Variants in NDUFAF2 observed in about 807,000 individuals in gnomAD.
NDUFAF2 encodes NADH dehydrogenase [ubiquinone] 1 alpha subcomplex assembly factor 2.
Under a neutral mutation model 22.8 loss-of-function variants are expected in NDUFAF2, and 13 were observed. The ratio of observed to expected loss-of-function variants is 0.57; its 90% CI spans 0.37 to 0.91. The LOEUF is 0.91. Ranked by LOEUF, NDUFAF2 falls within the 40% of genes least tolerant of loss-of-function variation. The probability of loss-of-function intolerance (pLI) is 0.01; values close to 1 mark genes in which losing one functional copy is unlikely to be tolerated. For missense variants in NDUFAF2, 162 were observed against 195.2 expected, an observed-to-expected ratio of 0.83 and a Z score of 1.01; for synonymous variants, 53 against 64.2, an observed-to-expected ratio of 0.83 and a Z score of 0.84.
At chr5:60,981,983 T>G (rs1750984706) in intron 1 of NDUFAF2, among the ~76,000 whole-genome samples, 1 of 152,114 alleles carries the variant, frequency 6.6e-6, no homozygotes, top group Non-Finnish European at 1.5e-5. Flanking sequence ...ATATAAGAAT[T>G]CAGACTGTAA....
chr5:60,948,761 TC>T (rs1382466558), intron 1 of NDUFAF2, among the ~76,000 whole-genome samples: 1 of 152,208 alleles, frequency 6.6e-6, no homozygotes, highest in Non-Finnish European at 1.5e-5. Context: ...TTATGAACAT[TC>T]ATGTGTAAGT....
At chr5:61,126,215 A>AAAGGG (rs1753034523) in intron 3 of NDUFAF2, among the ~76,000 whole-genome samples, 1 of 152,028 alleles carries the variant, frequency 6.6e-6, no homozygotes, top group South Asian at 2.1e-4. Context: ...GTAGTAATAA[A>AAAGGG]ATTAAATGTT....
At chr5:60,960,617 A>G (rs1487300086) in intron 1 of NDUFAF2, among the ~76,000 whole-genome samples, 2 of 152,180 alleles carry the variant, frequency 1.3e-5, no homozygotes, top group Admixed American at 6.5e-5. Flanking sequence ...AGATTTTTCA[A>G]TTGAATTGGG....
intron 3 of NDUFAF2, among the ~76,000 whole-genome samples, chr5:61,127,616 A>G (rs911292852): frequency 1.3e-5 from 2 of 152,306 alleles, no homozygotes; most frequent in South Asian, 4.1e-4. Context: ...ATACCTCTCA[A>G]TACATTAGGT....
At chr5:61,017,867 A>C (rs1347924030) in intron 1 of NDUFAF2, among the ~76,000 whole-genome samples, 1 of 152,068 alleles carries the variant, frequency 6.6e-6, no homozygotes, top group Non-Finnish European at 1.5e-5. Context: ...CTTGTGCCTC[A>C]GCCTCCCGAG....
At chr5:61,118,370 A>G (rs1752938085) in intron 3 of NDUFAF2, among the ~76,000 whole-genome samples, 2 of 152,190 alleles carry the variant, frequency 1.3e-5, no homozygotes, top group South Asian at 4.1e-4. Flanking sequence ...TCCGTGCCTT[A>G]TATTATAGTT....
Position 60,986,684 on chromosome 5 carries a change from G to A in NDUFAF2, c.127+41302G>A, listed in dbSNP as rs182214957. ...GGTGGCTCATGCCTATAATCCCAGC[G>A]CTTTGGGAGGCTGAGGTGGGCAGAT... is the stretch of plus-strand genomic sequence containing the variant. On this transcript the variant is annotated intron_variant, in intron 1 of 3. Transcript: ENST00000296597. Among the ~76,000 whole-genome samples, 93 of 151,942 alleles carry A rather than the reference G, an allele frequency of 6.1e-4. 1 individual carries two copies. The highest frequency in any genetic ancestry group is 4.8e-3 in the East Asian group (25 of 5,158).
At chr5:61,063,992 A>G (rs1465172475) in intron 1 of NDUFAF2, among the ~76,000 whole-genome samples, 1 of 152,176 alleles carries the variant, frequency 6.6e-6, no homozygotes, top group Non-Finnish European at 1.5e-5. Flanking sequence ...TATGTTGCCT[A>G]CAGGAGACCT....
chr5:61,111,169 GAGAAGATACTCGAGATAATTTC>G (rs1388913658), intron 3 of NDUFAF2, among the ~76,000 whole-genome samples: 4 of 152,192 alleles, frequency 2.6e-5, no homozygotes, highest in Non-Finnish European at 5.9e-5. Flanking sequence ...ATTGTGGTCA[GAGAAGATACTCGAGATAATTTC>G]AACTGTTTTG....
intron 1 of NDUFAF2, among the ~76,000 whole-genome samples, chr5:61,011,095 G>C (rs941787125): frequency 5.9e-5 from 9 of 152,126 alleles, no homozygotes; most frequent in African/African-American, 2.2e-4. Context: ...CTTTATGTGA[G>C]AGAAAAATAA....
At position 61,108,899 on chromosome 5, in the gene NDUFAF2, C is replaced by T. The variant is rs528971706; in HGVS notation, c.258+9867C>T. On this transcript the variant is annotated intron_variant, in intron 3 of 3. Coordinates refer to ENST00000296597, the MANE Select transcript of NDUFAF2 (RefSeq NM_174889.5). ...AATTTATGCCAGGTATTGTGATTCC[C>T]CCAGTTTTGTTCTTTGTGCTCAGGA... Among the ~76,000 whole-genome samples the T allele has an allele frequency of 2.0e-3, 308 of 152,102 alleles. 2 individuals carry two copies. Among genetic ancestry groups the T allele is most frequent in the African/African-American group, 7.2e-3 (297 of 41,510 alleles).
chr5:61,087,466 A>T (rs985832187), intron 2 of NDUFAF2, among the ~76,000 whole-genome samples: 17 of 152,190 alleles, frequency 1.1e-4, no homozygotes, highest in African/African-American at 4.1e-4. Flanking sequence ...AACTAGACTG[A>T]CTAATATTTT....
intron 2 of NDUFAF2, among the ~76,000 whole-genome samples, chr5:61,076,182 C>CGCCTCA: frequency 6.6e-6 from 1 of 152,096 alleles, no homozygotes. Flanking sequence ...GCCATTCTCC[C>CGCCTCA]GCCTCAGCCT....
chr5:60,962,792 C>T lies in NDUFAF2; in HGVS notation c.127+17410C>T, dbSNP rs184596554. Reference sequence around the variant, plus strand: ...AGGTTGCAGTGAGCCAAGATCACACCGCTGCACTCCAGCCAAGTGACAGAG... The same window carrying T: ...AGGTTGCAGTGAGCCAAGATCACACTGCTGCACTCCAGCCAAGTGACAGAG... On this transcript the variant is annotated intron_variant, in intron 1 of 3. Transcript: ENST00000296597. Among the ~76,000 whole-genome samples the T allele has an allele frequency of 2.5e-3, 372 of 150,876 alleles. 1 individual carries two copies. Among genetic ancestry groups the T allele is most frequent in the African/African-American group, 8.6e-3 (354 of 41,036 alleles).
intron 2 of NDUFAF2, among the ~76,000 whole-genome samples, chr5:61,088,986 T>C (rs1035855909): frequency 1.3e-5 from 2 of 152,152 alleles, no homozygotes; most frequent in Non-Finnish European, 2.9e-5. Flanking sequence ...GTATTTCATT[T>C]ACTTTAGCCT....
chr5:61,073,196 ATTCCAACAGAATGGGAAGGTAAGT>A lies in NDUFAF2; in HGVS notation c.203_217+9del. The A allele has an allele frequency of 6.2e-7, 1 of 1,612,184 alleles. No homozygotes were observed. Among genetic ancestry groups the A allele is most frequent in the Non-Finnish European group, 8.5e-7 (1 of 1,178,394 alleles). ...AGAAGTAGACTATGAAGCAGGGGAT[ATTCCAACAGAATGGGAAGGTAAGT>A]TTCTGCTTTTAGTAGAATCTCATGG... On this transcript the variant is annotated splice_donor_variant and splice_donor_5th_base_variant and coding_sequence_variant and intron_variant, in exon 2 of 4. Transcript: ENST00000296597. LOFTEE classifies it high-confidence loss of function.
intron 2 of NDUFAF2, among the ~76,000 whole-genome samples, chr5:61,096,798 T>C (rs983404802): frequency 2.0e-5 from 3 of 151,838 alleles, no homozygotes; most frequent in Non-Finnish European, 4.4e-5. Flanking sequence ...ACCCCATCTC[T>C]ACAAAAAATA....
intron 1 of NDUFAF2, among the ~76,000 whole-genome samples, chr5:61,025,519 T>A (rs189541691): frequency 1.8e-4 from 27 of 152,228 alleles, no homozygotes; most frequent in Admixed American, 2.6e-4. Flanking sequence ...TAATAGTGTG[T>A]TATTTAAAAG....
In NDUFAF2 at chr5:60,945,206, C is replaced by G. The variant is rs370364064; in HGVS notation, c.-50C>G. On this transcript the variant is annotated 5_prime_UTR_variant, in exon 1 of 4. Transcript: ENST00000296597. ...GGCTGGGTCGGCGGCTGGAGCATTA[C>G]CCCTACTGCGGGTCCCGCTGCTGGC... is the stretch of plus-strand genomic sequence containing the variant. 25 of 1,603,690 alleles carry G rather than the reference C, an allele frequency of 1.6e-5. No homozygotes were observed. Among genetic ancestry groups the G allele is most frequent in the South Asian group, 4.5e-5 (4 of 89,746 alleles).
Sources: allele counts gnomAD v4.1 joint callset (sites outside exome capture counted in the v4.1 genomes callset), GRCh38; gene constraint gnomAD v4.1.1; transcripts MANE v1.5; gene names NCBI Gene and HGNC (gene_info 2026-07-23, HGNC 2026-07-21).